The following ST6GAL2 variants were observed in gnomAD, a reference collection of about 807,000 sequenced individuals.
ST6GAL2 encodes beta-galactoside alpha-2,6-sialyltransferase 2.
Under a neutral mutation model 37.5 loss-of-function variants are expected in ST6GAL2, and 24 were observed. The observed-to-expected ratio is 0.64, with a 90% CI of 0.46 to 0.90. The LOEUF (loss-of-function observed/expected upper bound fraction) is 0.90. ST6GAL2 is among the 40% of genes least tolerant of loss of function. The pLI is 0.00. For missense variants in ST6GAL2, 715 were observed against 712.7 expected (o/e 1.00, Z -0.04); for synonymous variants, 306 against 295.1 (o/e 1.04, Z -0.38).
Position 106,803,443 on chromosome 2 carries a change from A to AGCAGCTCTGTAAGAGC in ST6GAL2, c.*3234_*3235insGCTCTTACAGAGCTGC, listed in dbSNP as rs1403666738. On this transcript the variant is annotated 3_prime_UTR_variant, in exon 6 of 6. Transcript: ENST00000409382. ...AAGTTCTCTGTAAGAGCAGCTCTAT[A>AGCAGCTCTGTAAGAGC]AGGACATAGTGAGAAAGGTCAGCTC... 7 of 152,184 alleles carry AGCAGCTCTGTAAGAGC rather than the reference A, an allele frequency of 4.6e-5. No homozygotes were observed. Among genetic ancestry groups the AGCAGCTCTGTAAGAGC allele is most frequent in the African/African-American group, 1.7e-4 (7 of 41,450 alleles). The allele number at this position is 152,184 out of a possible 1,614,324, so 9.4% of individuals were successfully genotyped here.
intron 5 of ST6GAL2, among the ~76,000 whole-genome samples, chr2:106,823,507 CGA>C (rs61605062): frequency 3.6e-5 from 5 of 137,072 alleles, no homozygotes; most frequent in Non-Finnish European, 4.7e-5. Flanking sequence ...AGAGAGAGAT[CGA>C]GAGAGAGAGA....
intron 1 of ST6GAL2, among the ~76,000 whole-genome samples, chr2:106,867,695 C>T (rs1678091927): frequency 6.6e-6 from 1 of 151,894 alleles, no homozygotes; most frequent in Admixed American, 6.6e-5. Context: ...TGGTTAGGAA[C>T]CCACCCCCAG....
At chr2:106,844,502 C>T (rs560156816) in intron 1 of ST6GAL2, among the ~76,000 whole-genome samples, 12 of 152,152 alleles carry the variant, frequency 7.9e-5, no homozygotes, top group Non-Finnish European at 1.6e-4. Context: ...ATAGATTTTA[C>T]AGCAGCGCTG....
chr2:106,882,347 C>T (rs1678788715), intron 1 of ST6GAL2, among the ~76,000 whole-genome samples: 14 of 152,196 alleles, frequency 9.2e-5, no homozygotes. Flanking sequence ...GTTCAAATCC[C>T]AGTTCTGCCA....
At chr2:106,870,697 A>G (rs1415868558) in intron 1 of ST6GAL2, among the ~76,000 whole-genome samples, 2 of 152,056 alleles carry the variant, frequency 1.3e-5, no homozygotes, top group African/African-American at 4.8e-5. Flanking sequence ...TGGGCACAGG[A>G]TGAGGGCTTC....
intron 1 of ST6GAL2, among the ~76,000 whole-genome samples, chr2:106,881,283 A>T (rs1327498091): frequency 6.6e-6 from 1 of 152,214 alleles, no homozygotes; most frequent in Non-Finnish European, 1.5e-5. Flanking sequence ...CACCAGGCCC[A>T]TACAGAGATT....
intron 5 of ST6GAL2, 124 bp downstream of exon 5, chr2:106,829,942 C>A (rs963765923): frequency 6.5e-6 from 6 of 921,324 alleles, no homozygotes; most frequent in Non-Finnish European, 9.9e-6. Context: ...ATCAGAAATA[C>A]TTCTGGTTCC....
intron 1 of ST6GAL2, among the ~76,000 whole-genome samples, chr2:106,867,781 A>T (rs1007233958): frequency 6.6e-6 from 1 of 152,096 alleles, no homozygotes; most frequent in East Asian, 1.9e-4. Flanking sequence ...TCCACTGAAC[A>T]CCAACTGTGG....
intron 1 of ST6GAL2, among the ~76,000 whole-genome samples, chr2:106,857,700 A>ATGGCC (rs1331404012): frequency 6.6e-6 from 1 of 152,192 alleles, no homozygotes; most frequent in African/African-American, 2.4e-5. Context: ...AATACAAAAT[A>ATGGCC]TGGCCCTTCA....
chr2:106,844,288 T>C (rs1380752940), intron 1 of ST6GAL2, among the ~76,000 whole-genome samples: 2 of 150,614 alleles, frequency 1.3e-5, no homozygotes, highest in Non-Finnish European at 3.0e-5. Context: ...AGAGAGGCGA[T>C]GGATGGGTGT....
intron 2 of ST6GAL2, chr2:106,841,255 T>C (rs1411862525): frequency 6.6e-6 from 1 of 152,232 alleles, no homozygotes. Context: ...GAGAGAACTC[T>C]GGAACATAGG....
intron 2 of ST6GAL2, among the ~76,000 whole-genome samples, chr2:106,836,289 A>C (rs1676633279): frequency 6.6e-6 from 1 of 152,198 alleles, no homozygotes; most frequent in South Asian, 2.1e-4. Context: ...TTTGAAGTAT[A>C]TGAAGGCTCA....
chr2:106,828,577 C>A (rs1417260560), intron 5 of ST6GAL2, among the ~76,000 whole-genome samples: 5 of 151,862 alleles, frequency 3.3e-5, no homozygotes, highest in Non-Finnish European at 7.4e-5. Flanking sequence ...ATACCAAAAC[C>A]CACTCTAAAA....
chr2:106,830,045 A>C, intron 5 of ST6GAL2, 21 bp downstream of exon 5: 1 of 1,611,614 alleles, frequency 6.2e-7, no homozygotes. Flanking sequence ...CAATCATTCC[A>C]ATTTTTAACA....
chr2:106,854,751 G>A (rs971371050), intron 1 of ST6GAL2, among the ~76,000 whole-genome samples: 3 of 152,108 alleles, frequency 2.0e-5, no homozygotes, highest in Non-Finnish European at 4.4e-5. Flanking sequence ...ACTGTCATTA[G>A]TGTACCCATC....
At chr2:106,855,608 G>C (rs1226399767) in intron 1 of ST6GAL2, among the ~76,000 whole-genome samples, 1 of 151,940 alleles carries the variant, frequency 6.6e-6, no homozygotes, top group African/African-American at 2.4e-5. Flanking sequence ...AGAAAAAATT[G>C]GAAGTAAATA....
chr2:106,835,262 T>C (rs1676589743), intron 2 of ST6GAL2, among the ~76,000 whole-genome samples: 1 of 152,062 alleles, frequency 6.6e-6, no homozygotes, highest in South Asian at 2.1e-4. Flanking sequence ...TGAAAAGAAG[T>C]ATTTCTGTCA....
intron 5 of ST6GAL2, among the ~76,000 whole-genome samples, chr2:106,823,501 A>T (rs1270855699): frequency 8.5e-6 from 1 of 117,654 alleles, no homozygotes; most frequent in African/African-American, 2.7e-5. Context: ...AGAGAGAGAG[A>T]GAGATCGAGA....
intron 1 of ST6GAL2, among the ~76,000 whole-genome samples, chr2:106,877,539 A>G (rs1678557631): frequency 6.6e-6 from 1 of 152,196 alleles, no homozygotes; most frequent in Admixed American, 6.5e-5. Flanking sequence ...GGGGCCTGTG[A>G]CTTAGTCTCT....
Sources: allele counts gnomAD v4.1 joint callset (sites outside exome capture counted in the v4.1 genomes callset), GRCh38; gene constraint gnomAD v4.1.1; transcripts MANE v1.5; gene names NCBI Gene and HGNC (gene_info 2026-07-23, HGNC 2026-07-21).